Variants in TRAPPC12 observed in about 807,000 individuals in gnomAD.
TRAPPC12 encodes the protein trafficking protein particle complex subunit 12, also known as TPR repeat protein 15.
TRAPPC12 carries 61 observed loss-of-function variants against 69.2 expected under a neutral mutation model. The ratio of observed to expected loss-of-function variants is 0.88; its 90% CI spans 0.72 to 1.09. The LOEUF is 1.09. TRAPPC12 is among the 50% of genes least tolerant of loss of function. The pLI is 0.00. For synonymous variants in TRAPPC12, 469 were observed against 438.9 expected, an observed-to-expected ratio of 1.07 and a Z score of -0.86; for missense variants, 1,101 against 1,016.4, an observed-to-expected ratio of 1.08 and a Z score of -1.13.
intron 3 of TRAPPC12, among the ~76,000 whole-genome samples, chr2:3,417,756 T>C (rs1572128173): frequency 6.6e-6 from 1 of 152,042 alleles, no homozygotes; most frequent in East Asian, 1.9e-4. Context: ...TTAAAAATGG[T>C]CATTGGCCGG....
rs369349178 is a variant in TRAPPC12 at position 3,388,262 on chromosome 2, G to A, written c.639G>A (p.Thr213=). The A allele has an allele frequency of 3.7e-6, 6 of 1,608,164 alleles. No homozygotes were observed. Among genetic ancestry groups the A allele is most frequent in the East Asian group, 2.3e-5 (1 of 44,364 alleles). The change falls in exon 2 of 12, where the codon ACG becomes ACA. Residue 213 remains threonine (T), a synonymous_variant. Coordinates refer to ENST00000324266, the MANE Select transcript of TRAPPC12 (RefSeq NM_016030.6). The stretch of plus-strand genomic sequence containing the variant: ...GCCTCAGCACGTTCTTCGGAGACAC[G>A]GCCGCCAGCCACTCCTTGGCCTCGG... ...SPSLSTFFGD[T]AASHSLASDF... is the part of the protein sequence containing the mutation.
At chr2:3,380,212 C>T (rs1251767298) in intron 1 of TRAPPC12, among the ~76,000 whole-genome samples, 1 of 152,188 alleles carries the variant, frequency 6.6e-6, no homozygotes, top group Admixed American at 6.5e-5. Context: ...CCCGAGACCC[C>T]CAGTTCCAGG....
intron 6 of TRAPPC12, among the ~76,000 whole-genome samples, chr2:3,448,372 G>A (rs1014896698): frequency 1.1e-4 from 16 of 152,168 alleles, no homozygotes; most frequent in African/African-American, 3.6e-4. Context: ...GGGCTCTAAA[G>A]TTTGGTCTTA....
At chr2:3,419,540 G>A (rs754056688) in intron 3 of TRAPPC12, among the ~76,000 whole-genome samples, 1 of 151,562 alleles carries the variant, frequency 6.6e-6, no homozygotes, top group Non-Finnish European at 1.5e-5. Flanking sequence ...CATCTTCACC[G>A]TCGATCAGTG....
intron 3 of TRAPPC12, among the ~76,000 whole-genome samples, chr2:3,418,279 A>G (rs1332161163): frequency 6.6e-6 from 1 of 151,876 alleles, no homozygotes; most frequent in African/African-American, 2.4e-5. Flanking sequence ...AAAGAATAAA[A>G]TGGAAAACAT....
chr2:3,432,078 A>G (rs943950336), intron 5 of TRAPPC12, among the ~76,000 whole-genome samples: 2 of 152,256 alleles, frequency 1.3e-5, no homozygotes, highest in Non-Finnish European at 2.9e-5. Flanking sequence ...CCATGCAACT[A>G]GAGGGAAAAT....
chr2:3,402,393 CA>C (rs1199855294), intron 3 of TRAPPC12, among the ~76,000 whole-genome samples: 2 of 152,128 alleles, frequency 1.3e-5, no homozygotes, highest in Non-Finnish European at 2.9e-5. Context: ...AGTTCAAGAC[CA>C]GCCTGGCCAA....
chr2:3,412,285 A>C (rs1662105729), intron 3 of TRAPPC12, among the ~76,000 whole-genome samples: 1 of 152,140 alleles, frequency 6.6e-6, no homozygotes, highest in African/African-American at 2.4e-5. Flanking sequence ...TTGAGGCTGG[A>C]CATGGTGGCT....
chr2:3,393,273 G>C (rs1199412300), intron 2 of TRAPPC12, among the ~76,000 whole-genome samples: 2 of 150,774 alleles, frequency 1.3e-5, no homozygotes, highest in African/African-American at 2.4e-5. Flanking sequence ...TGAATACCAC[G>C]TGATCTCATT....
intron 2 of TRAPPC12, among the ~76,000 whole-genome samples, chr2:3,397,546 C>T (rs1013032472): frequency 6.6e-6 from 1 of 152,222 alleles, no homozygotes; most frequent in African/African-American, 2.4e-5. Context: ...CAGCAGTAAA[C>T]TCAAGGGCTC....
rs575401025 is a variant in TRAPPC12, at chr2:3,424,792, G to T, written c.1417+129G>T. On this transcript the variant is annotated intron_variant, in intron 5 of 11. Transcript: ENST00000324266. The stretch of plus-strand genomic sequence containing the variant: ...TCTTGAAAAATCAGATAAGTACCCA[G>T]CAACAAGCCTTGACTTACAGAATGC... 3.0e-5 allele frequency: 31 copies of T among 1,036,654 alleles called. No individual in the cohort carries two copies. The East Asian group carries it at 7.9e-4, about 26-fold the overall frequency. The allele number at this position is 1,036,654 out of a possible 1,614,324, so 64.2% of individuals were successfully genotyped here.
chr2:3,406,083 G>A (rs1661713446), intron 3 of TRAPPC12, among the ~76,000 whole-genome samples: 1 of 152,062 alleles, frequency 6.6e-6, no homozygotes, highest in Non-Finnish European at 1.5e-5. Flanking sequence ...GAGACTGAAG[G>A]ACCCTTCCAG....
At position 3,477,751 on chromosome 2, in the gene TRAPPC12, G is replaced by A. The variant is rs1406717295; in HGVS notation, c.1833G>A (p.Gln611=). Residue 611 remains glutamine (Q), a synonymous_variant, in exon 10 of 12, where the codon CAG becomes CAA. Transcript: ENST00000324266. ...TTCAAGACGTTGAGAAAGTAACACAGAAATTAGATGGACTACAGGGTAAAA... is the reference window on the plus strand; with the variant it reads ...TTCAAGACGTTGAGAAAGTAACACAAAAATTAGATGGACTACAGGGTAAAA... ...KYFQDVEKVT[Q]KLDGLQGKIM... 1 of 1,608,204 alleles carries A rather than the reference G, an allele frequency of 6.2e-7. No homozygotes were observed.
intron 2 of TRAPPC12, among the ~76,000 whole-genome samples, chr2:3,393,342 G>A (rs1280726765): frequency 6.7e-6 from 1 of 149,992 alleles, no homozygotes; most frequent in African/African-American, 2.5e-5. Flanking sequence ...GGTGTGAGGG[G>A]CATGGGGAGA....
At chr2:3,478,718 T>A (rs1170129723) in intron 10 of TRAPPC12, 128 bp from the exon 11 acceptor site, 4 of 716,044 alleles carry the variant, frequency 5.6e-6, no homozygotes, top group African/African-American at 1.8e-5. Flanking sequence ...TACCTGGAGA[T>A]CAGGAACCCC....
At chr2:3,438,784 T>A (rs1412970085) in intron 5 of TRAPPC12, among the ~76,000 whole-genome samples, 1 of 152,162 alleles carries the variant, frequency 6.6e-6, no homozygotes, top group Non-Finnish European at 1.5e-5. Flanking sequence ...TATCTCTGAA[T>A]AATATTCCAT....
intron 9 of TRAPPC12, chr2:3,465,915 C>A: frequency 1.7e-6 from 1 of 577,908 alleles, no homozygotes; most frequent in Non-Finnish European, 3.1e-6. Flanking sequence ...AATGTGAACC[C>A]ACAGAAAGTG....
At chr2:3,389,964 AAGTC>A (rs1558341975) in intron 2 of TRAPPC12, among the ~76,000 whole-genome samples, 1 of 152,134 alleles carries the variant, frequency 6.6e-6, no homozygotes, top group East Asian at 1.9e-4. Context: ...GGCTAAAACA[AAGTC>A]ACCACTCAAA....
intron 1 of TRAPPC12, among the ~76,000 whole-genome samples, chr2:3,380,823 T>G (rs1271793360): frequency 6.6e-6 from 1 of 152,242 alleles, no homozygotes; most frequent in East Asian, 1.9e-4. Flanking sequence ...GTGCAGCTCT[T>G]CACACTTTAA....
Sources: allele counts gnomAD v4.1 joint callset (sites outside exome capture counted in the v4.1 genomes callset), GRCh38; gene constraint gnomAD v4.1.1; transcripts MANE v1.5; gene names NCBI Gene and HGNC (gene_info 2026-07-23, HGNC 2026-07-21).